Variants in PTPRF observed in about 807,000 individuals in gnomAD.
The protein encoded by PTPRF is receptor-type tyrosine-protein phosphatase F.
PTPRF carries 59 observed loss-of-function variants against 201.8 expected under a neutral mutation model. That is an observed-to-expected ratio of 0.29 (90% CI 0.24 to 0.36). PTPRF has a LOEUF of 0.36. Among genes scored for constraint, PTPRF ranks in the 10% least tolerant of loss-of-function variants. The pLI, the probability that PTPRF is intolerant of heterozygous loss-of-function variation, is 1.00. For missense variants in PTPRF, 2,132 were observed against 2,690.5 expected, an observed-to-expected ratio of 0.79 and a Z score of 4.59; for synonymous variants, 1,088 against 1,089.7, an observed-to-expected ratio of 1.00 and a Z score of 0.03.
chr1:43,599,647 G>C (rs1653250286), intron 13 of PTPRF, among the ~76,000 whole-genome samples: 1 of 152,236 alleles, frequency 6.6e-6, no homozygotes, highest in Non-Finnish European at 1.5e-5. Context: ...GTCTTCCTGG[G>C]AGGATGGTCC....
chr1:43,597,399 TGA>T (rs1051819621), intron 11 of PTPRF, among the ~76,000 whole-genome samples: 2 of 152,072 alleles, frequency 1.3e-5, no homozygotes, highest in Admixed American at 1.3e-4. Context: ...AGTATATGTA[TGA>T]GACACCCTGT....
chr1:43,564,915 A>G (rs1243318900), intron 5 of PTPRF, among the ~76,000 whole-genome samples: 1 of 152,054 alleles, frequency 6.6e-6, no homozygotes, highest in Non-Finnish European at 1.5e-5. Flanking sequence ...CAGGCGTCCA[A>G]GGCTGAGCTG....
upstream of PTPRF, among the ~76,000 whole-genome samples, chr1:43,530,610 G>A (rs1325132792): frequency 1.3e-5 from 2 of 152,182 alleles, no homozygotes; most frequent in African/African-American, 4.8e-5. The surrounding 1 kb of genome is among the most constrained non-coding windows in gnomAD (Gnocchi z 4.1). Flanking sequence ...AGTGGTATTA[G>A]GTTCATGCTA....
chr1:43,530,579 G>C (rs1431685261), upstream of PTPRF, among the ~76,000 whole-genome samples: 1 of 152,174 alleles, frequency 6.6e-6, no homozygotes, highest in Non-Finnish European at 1.5e-5. The surrounding 1 kb of genome is among the most constrained non-coding windows in gnomAD (Gnocchi z 4.1). Flanking sequence ...AGATCTGTAT[G>C]GGGAGGAAAT....
At position 43,615,551 on chromosome 1, in the gene PTPRF, C is replaced by CTTTTTTT. The variant is rs68193223; in HGVS notation, c.4071+1860_4072-1864dup. Among the ~76,000 whole-genome samples, 185 of 84,156 alleles carry CTTTTTTT rather than the reference C, an allele frequency of 2.2e-3. 11 individuals are homozygous for CTTTTTTT. Among genetic ancestry groups the CTTTTTTT allele is most frequent in the African/African-American group, 2.6e-3 (52 of 20,364 alleles). 55.2% of individuals were successfully genotyped at this position (84,156 alleles called of 152,430 possible). ...AGCCAGGACCCCATAGCTCTGTTGTCTTTTTTTTTTTTTTTTTTTTTTTTT... is the reference window on the plus strand; with the variant it reads ...AGCCAGGACCCCATAGCTCTGTTGTCTTTTTTTTTTTTTTTTTTTTTTTTTTTTTTTT... On this transcript the variant is annotated intron_variant, in intron 23 of 33. Transcript: ENST00000359947.
In PTPRF at chr1:43,588,646, G is replaced by A. The variant is rs1191361217; in HGVS notation, c.680-85G>A. On this transcript the variant is annotated intron_variant, in intron 7 of 33. Transcript: ENST00000359947. This position sits in a 1 kb window ranked among gnomAD's most constrained non-coding sequence, Gnocchi z 5.3. ...GCATGGGTTTGGCTCTGACCAGAGGGGCTTCCTGAATGAGGGGCCCCTGCC... is the reference window on the plus strand; with the variant it reads ...GCATGGGTTTGGCTCTGACCAGAGGAGCTTCCTGAATGAGGGGCCCCTGCC... 2.6e-6 allele frequency: 4 copies of A among 1,541,900 alleles called. No individual in the cohort carries two copies. The highest frequency in any genetic ancestry group is 3.5e-6 in the Non-Finnish European group (4 of 1,141,338).
chr1:43,552,669 A>G (rs1351203988), intron 3 of PTPRF, among the ~76,000 whole-genome samples: 1 of 152,126 alleles, frequency 6.6e-6, no homozygotes, highest in Non-Finnish European at 1.5e-5. Flanking sequence ...GATTGTAGCA[A>G]ATGGGTTGGG....
chr1:43,531,881 C>A (rs1643579723), intron 1 of PTPRF, among the ~76,000 whole-genome samples: 1 of 152,210 alleles, frequency 6.6e-6, no homozygotes, highest in Admixed American at 6.5e-5. Flanking sequence ...GCGTCTCTGT[C>A]TCGGCTGCTT....
intron 19 of PTPRF, 105 bp downstream of exon 19, chr1:43,605,727 A>G (rs1266176937): frequency 9.0e-7 from 1 of 1,111,808 alleles, no homozygotes; most frequent in Non-Finnish European, 1.3e-6. Flanking sequence ...CACTCCCCAA[A>G]TTGAAATCTC....
chr1:43,610,906 C>G (rs931116369), intron 22 of PTPRF, among the ~76,000 whole-genome samples: 2 of 152,182 alleles, frequency 1.3e-5, no homozygotes, highest in Non-Finnish European at 2.9e-5. Context: ...AACAGACACA[C>G]CCATTTATTT....
At chr1:43,597,568 AG>A (rs748526914) in intron 11 of PTPRF, among the ~76,000 whole-genome samples, 179 bp from the exon 12 acceptor site, 19 of 152,120 alleles carry the variant, frequency 1.2e-4, no homozygotes, top group Non-Finnish European at 2.6e-4. Flanking sequence ...GGCAGGTCAG[AG>A]GGAGTCAGGT....
At chr1:43,591,682 T>C (rs1650795293) in intron 9 of PTPRF, 129 bp downstream of exon 9, 1 of 1,444,836 alleles carries the variant, frequency 6.9e-7, no homozygotes, top group Non-Finnish European at 9.3e-7. Context: ...CCGTATTCCA[T>C]AGATGTGTGG....
intron 6 of PTPRF, among the ~76,000 whole-genome samples, chr1:43,576,858 T>G (rs925227102): frequency 2.0e-5 from 3 of 152,206 alleles, no homozygotes; most frequent in Non-Finnish European, 4.4e-5. Flanking sequence ...AGGACCAGGA[T>G]GGTCTCAGGC....
In PTPRF at chr1:43,623,415, C is replaced by CG. The variant is rs1378857763; in HGVS notation, c.*1416dup. 6.6e-6 allele frequency: 1 copy of CG among 152,486 alleles called. No individual in the cohort carries two copies. The highest frequency in any genetic ancestry group is 1.5e-5 in the Non-Finnish European group (1 of 68,022). 9.4% of individuals were successfully genotyped at this position (152,486 alleles called of 1,614,324 possible). A position where few individuals can be genotyped will look rare whatever the true frequency, so the allele number is the denominator to read the frequency against. ...CGCTATCTAGATAGGTAAGTGGGGGCGGGGAAGGGTGCATAGCTGTTTTAG... is the reference window on the plus strand; with the variant it reads ...CGCTATCTAGATAGGTAAGTGGGGGCGGGGGAAGGGTGCATAGCTGTTTTAG... On this transcript the variant is annotated 3_prime_UTR_variant, in exon 34 of 34. Transcript: ENST00000359947.
At chr1:43,581,286 G>T (rs972947023) in intron 7 of PTPRF, among the ~76,000 whole-genome samples, 3 of 152,166 alleles carry the variant, frequency 2.0e-5, no homozygotes, top group Admixed American at 1.3e-4. Context: ...GAAATACGGG[G>T]GTTCCTTTAG....
chr1:43,613,159 T>TGTTCCGGC, intron 22 of PTPRF: 3 of 242,224 alleles, frequency 1.2e-5, no homozygotes, highest in South Asian at 9.5e-5. Context: ...CTGTACTTCA[T>TGTTCCGGC]GACCACTCCA....
chr1:43,605,088 C>CTGTGGAGCAGGAATGTG (rs1553207185), intron 17 of PTPRF, 88 bp downstream of exon 17: 1 of 1,576,492 alleles, frequency 6.3e-7, no homozygotes, highest in Non-Finnish European at 8.7e-7. Context: ...GTGCATCCGG[C>CTGTGGAGCAGGAATGTG]TGTGGAGCAG....
intron 33 of PTPRF, 28 bp downstream of exon 33, chr1:43,621,260 G>A (rs776435656): frequency 1.9e-6 from 3 of 1,609,700 alleles, no homozygotes; most frequent in South Asian, 2.2e-5. Context: ...GCAGGGCCAG[G>A]GCCTTGGCAG....
chr1:43,595,190 ATTTTGTTTTG>A (rs374750589), intron 11 of PTPRF, among the ~76,000 whole-genome samples: 38 of 151,886 alleles, frequency 2.5e-4, no homozygotes, highest in African/African-American at 6.3e-4. Flanking sequence ...TGAGGGTGGG[ATTTTGTTTTG>A]TTTTGTTTTG....
Sources: allele counts gnomAD v4.1 joint callset (sites outside exome capture counted in the v4.1 genomes callset), GRCh38; gene constraint gnomAD v4.1.1; non-coding constraint Gnocchi (gnomAD v3.1); transcripts MANE v1.5; gene names NCBI Gene and HGNC (gene_info 2026-07-23, HGNC 2026-07-21).